CLYBL: variants seen among roughly 807,000 people sequenced by gnomAD.
The protein encoded by CLYBL is citramalyl-CoA lyase, mitochondrial.
CLYBL carries 31 observed loss-of-function variants against 38.9 expected under a neutral mutation model. The ratio of observed to expected loss-of-function variants is 0.80; its 90% CI spans 0.60 to 1.08. The LOEUF (loss-of-function observed/expected upper bound fraction) is 1.08. Among genes scored for constraint, CLYBL ranks in the 50% least tolerant of loss-of-function variants. The pLI is 0.00. For synonymous variants in CLYBL, 171 were observed against 158.6 expected (o/e 1.08, Z -0.59); for missense variants, 434 against 411.6 (o/e 1.05, Z -0.47).
chr13:99,776,350 G>T (rs996658703), intron 2 of CLYBL, among the ~76,000 whole-genome samples: 7 of 151,038 alleles, frequency 4.6e-5, no homozygotes, highest in African/African-American at 1.7e-4. Context: ...CAAAAAATCA[G>T]CCAGGAGTGG....
chr13:99,739,215 C>G (rs2048712457), intron 1 of CLYBL, among the ~76,000 whole-genome samples: 2 of 152,058 alleles, frequency 1.3e-5, no homozygotes, highest in South Asian at 2.1e-4. Context: ...TAATATGAAA[C>G]AGTCAAGCCC....
At chr13:99,797,560 T>TTGTGTGTGTGTGTGTGTGTGTGTG (rs3033584) in intron 2 of CLYBL, among the ~76,000 whole-genome samples, 1,583 of 141,750 alleles carry the variant, frequency 0.011, 52 homozygotes, top group East Asian at 0.059. Context: ...TGTTAGCTGT[T>TTGTGTGTGTGTGTGTGTGTGTGTG]TGTGTGTGTG....
chr13:99,851,052 T>C (rs2051317324), intron 2 of CLYBL, among the ~76,000 whole-genome samples: 1 of 152,102 alleles, frequency 6.6e-6, no homozygotes, highest in African/African-American at 2.4e-5. Flanking sequence ...TTAATGGTTA[T>C]GGAGTTTCTG....
chr13:99,645,680 A>T (rs912948297), intron 1 of CLYBL, among the ~76,000 whole-genome samples: 12 of 149,914 alleles, frequency 8.0e-5, no homozygotes, highest in African/African-American at 2.7e-4. Context: ...AGATTATTAA[A>T]TTTTTTTTTT....
At chr13:99,677,999 G>A (rs772890635) in intron 1 of CLYBL, among the ~76,000 whole-genome samples, 1 of 152,144 alleles carries the variant, frequency 6.6e-6, no homozygotes, top group Non-Finnish European at 1.5e-5. Context: ...TAGAAGAGTT[G>A]CAATATTTGG....
At chr13:99,798,346 C>G (rs1231728068) in intron 2 of CLYBL, among the ~76,000 whole-genome samples, 1 of 152,132 alleles carries the variant, frequency 6.6e-6, no homozygotes, top group Non-Finnish European at 1.5e-5. Context: ...TGTTTGGGCT[C>G]GTTCCCCCTC....
At chr13:99,761,448 C>T (rs992486534) in intron 1 of CLYBL, among the ~76,000 whole-genome samples, 3 of 152,206 alleles carry the variant, frequency 2.0e-5, no homozygotes, top group Non-Finnish European at 4.4e-5. Context: ...CAGTGCTTGG[C>T]TTATTTCACT....
chr13:99,644,113 T>C (rs1227853141), intron 1 of CLYBL, among the ~76,000 whole-genome samples: 2 of 142,542 alleles, frequency 1.4e-5, no homozygotes, highest in Non-Finnish European at 3.1e-5. Flanking sequence ...ATGTGGTGTA[T>C]GTATGTATAT....
At chr13:99,661,020 A>C (rs1468021563) in intron 1 of CLYBL, among the ~76,000 whole-genome samples, 1 of 152,202 alleles carries the variant, frequency 6.6e-6, no homozygotes, top group Admixed American at 6.5e-5. Context: ...GTTAAGTGTC[A>C]ATTTTAGTGA....
intron 1 of CLYBL, among the ~76,000 whole-genome samples, chr13:99,713,340 T>TC (rs1465072933): frequency 7.5e-5 from 11 of 146,780 alleles, no homozygotes; most frequent in African/African-American, 1.7e-4. Context: ...ATTTCTTTTT[T>TC]TTTTTTTTTT....
intron 1 of CLYBL, among the ~76,000 whole-genome samples, chr13:99,680,183 C>T (rs981804945): frequency 6.6e-6 from 1 of 152,188 alleles, no homozygotes; most frequent in Non-Finnish European, 1.5e-5. Context: ...TCTTTATAAA[C>T]ATCGTCTTCC....
intron 1 of CLYBL, among the ~76,000 whole-genome samples, chr13:99,653,388 T>G (rs1594103002): frequency 6.7e-6 from 1 of 150,168 alleles, no homozygotes; most frequent in South Asian, 2.1e-4. Flanking sequence ...AAAAAAAAAG[T>G]CCTGTATATA....
chr13:99,682,288 C>T (rs1263872070), intron 1 of CLYBL, among the ~76,000 whole-genome samples: 2 of 151,972 alleles, frequency 1.3e-5, no homozygotes, highest in African/African-American at 2.4e-5. Flanking sequence ...GGACTACATG[C>T]GCCTGCCACC....
chr13:99,780,975 A>G (rs1244709908), intron 2 of CLYBL, among the ~76,000 whole-genome samples: 1 of 151,676 alleles, frequency 6.6e-6, no homozygotes, highest in African/African-American at 2.4e-5. Context: ...CGGCCTCCCA[A>G]AGTGCTGGGA....
At chr13:99,753,990 G>A (rs1158784350) in intron 1 of CLYBL, among the ~76,000 whole-genome samples, 1 of 145,534 alleles carries the variant, frequency 6.9e-6, no homozygotes, top group Non-Finnish European at 1.5e-5. Context: ...AGGAGGCTGA[G>A]GCAGAAGAAT....
At chr13:99,612,050 C>T (rs1323862881) in intron 1 of CLYBL, among the ~76,000 whole-genome samples, 2 of 152,216 alleles carry the variant, frequency 1.3e-5, no homozygotes, top group African/African-American at 2.4e-5. Flanking sequence ...TATCATCCCG[C>T]AAATTCTCTT....
At chr13:99,815,870 G>A (rs2050436371) in intron 2 of CLYBL, among the ~76,000 whole-genome samples, 1 of 152,030 alleles carries the variant, frequency 6.6e-6, no homozygotes, top group African/African-American at 2.4e-5. Flanking sequence ...GGGAGTGAGA[G>A]CCTGTCTCAA....
At chr13:99,678,733 T>G (rs1218289809) in intron 1 of CLYBL, among the ~76,000 whole-genome samples, 1 of 152,220 alleles carries the variant, frequency 6.6e-6, no homozygotes, top group Non-Finnish European at 1.5e-5. Context: ...ATTGTGGGTT[T>G]GTTACAATCA....
intron 1 of CLYBL, among the ~76,000 whole-genome samples, chr13:99,657,656 A>G (rs2047348123): frequency 6.6e-6 from 1 of 152,208 alleles, no homozygotes; most frequent in Admixed American, 6.5e-5. Flanking sequence ...TCTTTAAAAG[A>G]AGATTAAGGT....
Sources: allele counts gnomAD v4.1 joint callset (sites outside exome capture counted in the v4.1 genomes callset), GRCh38; gene constraint gnomAD v4.1.1; transcripts MANE v1.5; gene names NCBI Gene and HGNC (gene_info 2026-07-23, HGNC 2026-07-21).